STK32B: variants seen among roughly 807,000 people sequenced by gnomAD.
STK32B encodes the protein serine/threonine-protein kinase 32B.
In STK32B, 43 loss-of-function variants were observed where a neutral mutation model predicts 52.6. The ratio of observed to expected loss-of-function variants is 0.82; its 90% CI spans 0.64 to 1.05. STK32B has a LOEUF of 1.05. Ranked by LOEUF, STK32B falls within the 50% of genes least tolerant of loss-of-function variation. STK32B has a pLI of 0.00. For missense variants in STK32B, 621 were observed against 534.6 expected (o/e 1.16, Z -1.59); for synonymous variants, 238 against 204.3 (o/e 1.17, Z -1.41).
At chr4:5,308,203 T>A (rs1730056118) in intron 3 of STK32B, among the ~76,000 whole-genome samples, 1 of 152,144 alleles carries the variant, frequency 6.6e-6, no homozygotes, top group Non-Finnish European at 1.5e-5. Context: ...AGAGATTATG[T>A]CCTTTGTCTT....
chr4:5,253,372 G>C (rs1353959817), intron 3 of STK32B, among the ~76,000 whole-genome samples: 1 of 151,872 alleles, frequency 6.6e-6, no homozygotes, highest in Non-Finnish European at 1.5e-5. Flanking sequence ...GTTTAGATTT[G>C]TTGTTGTTGT....
chr4:5,375,540 C>A (rs898999780), intron 4 of STK32B, among the ~76,000 whole-genome samples: 1 of 151,964 alleles, frequency 6.6e-6, no homozygotes, highest in African/African-American at 2.4e-5. Context: ...ACTTGATTTC[C>A]AAGAGCTCTT....
chr4:5,027,321 A>G, the STK32B span, among the ~76,000 whole-genome samples: 1 of 152,200 alleles, frequency 6.6e-6, no homozygotes, highest in African/African-American at 2.4e-5. Flanking sequence ...AGATTCCTTC[A>G]TAAGCCCCCA....
At position 5,251,029 on chromosome 4, in the gene STK32B, G is replaced by A. The variant is rs535273219; in HGVS notation, c.261-80191G>A. 7.2e-5 allele frequency among the ~76,000 whole-genome samples: 11 copies of A among 152,230 alleles called. 1 individual carries two copies. The East Asian group carries it at 2.1e-3, about 29-fold the overall frequency. On this transcript the variant is annotated intron_variant, in intron 3 of 11. Transcript: ENST00000282908. ...AGGTTGTCTTTTTACTCTGTTGATAGTTTCTTTTGCGGGACAGAAGCTCTT... is the reference window on the plus strand; with the variant it reads ...AGGTTGTCTTTTTACTCTGTTGATAATTTCTTTTGCGGGACAGAAGCTCTT...
At chr4:5,484,266 G>A (rs1718965376) in intron 11 of STK32B, among the ~76,000 whole-genome samples, 1 of 152,152 alleles carries the variant, frequency 6.6e-6, no homozygotes, top group Non-Finnish European at 1.5e-5. Context: ...ATGAATCTGG[G>A]TACTCCTGTA....
At chr4:5,420,719 C>A (rs976639964) in intron 6 of STK32B, among the ~76,000 whole-genome samples, 3 of 152,078 alleles carry the variant, frequency 2.0e-5, no homozygotes, top group African/African-American at 7.2e-5. Flanking sequence ...AGGGGGACAT[C>A]CCACAGGGGA....
chr4:5,083,459 A>G (rs375229122), intron 1 of STK32B, among the ~76,000 whole-genome samples: 3 of 152,170 alleles, frequency 2.0e-5, no homozygotes, highest in African/African-American at 7.2e-5. Context: ...TAATTTTCTG[A>G]ATGTGTCACT....
At chr4:5,316,182 A>AT (rs2108920238) in intron 3 of STK32B, among the ~76,000 whole-genome samples, 4 of 89,002 alleles carry the variant, frequency 4.5e-5, no homozygotes, top group African/African-American at 2.3e-4. Flanking sequence ...TATATAACTA[A>AT]ATATATATAT....
intron 11 of STK32B, among the ~76,000 whole-genome samples, chr4:5,486,550 GC>G: frequency 6.6e-6 from 1 of 152,330 alleles, no homozygotes; most frequent in African/African-American, 2.4e-5. Flanking sequence ...GCGATGCCTC[GC>G]CCTGCTTTGG....
chr4:5,316,300 T>C (rs1349509900), intron 3 of STK32B, among the ~76,000 whole-genome samples: 1 of 58,468 alleles, frequency 1.7e-5, no homozygotes, highest in Non-Finnish European at 2.5e-5. Flanking sequence ...ATATTATATA[T>C]AATATATATA....
chr4:5,491,998 G>T (rs1432333027), intron 11 of STK32B, among the ~76,000 whole-genome samples: 2 of 152,120 alleles, frequency 1.3e-5, no homozygotes, highest in Non-Finnish European at 2.9e-5. Flanking sequence ...AGTATAGTTT[G>T]AAGTCAGGTA....
At chr4:5,079,713 T>A (rs1712294246) in intron 1 of STK32B, among the ~76,000 whole-genome samples, 1 of 152,162 alleles carries the variant, frequency 6.6e-6, no homozygotes, top group Admixed American at 6.5e-5. Flanking sequence ...CAGTCTACAA[T>A]GAATCCCTCT....
At chr4:5,316,711 AAT>A (rs1193966922) in intron 3 of STK32B, among the ~76,000 whole-genome samples, 19 of 1,060 alleles carry the variant, frequency 0.018, 3 homozygotes, top group Admixed American at 0.096. Context: ...TATAATATAT[AAT>A]ATAATAATAT....
At chr4:5,144,540 T>A (rs150655955) in intron 2 of STK32B, among the ~76,000 whole-genome samples, 3 of 152,180 alleles carry the variant, frequency 2.0e-5, no homozygotes, top group African/African-American at 7.2e-5. Context: ...TGTGTATACT[T>A]AAGTTCCCAG....
In STK32B at chr4:5,399,077, A is replaced by C. The variant is rs1737112505; in HGVS notation, c.472+833A>C. Among the ~76,000 whole-genome samples the C allele has an allele frequency of 6.6e-6, 1 of 150,744 alleles. No homozygotes were observed. Among genetic ancestry groups the C allele is most frequent in the South Asian group, 2.1e-4 (1 of 4,804 alleles). On this transcript the variant is annotated intron_variant, in intron 5 of 11. Coordinates refer to ENST00000282908, the MANE Select transcript of STK32B (RefSeq NM_018401.3). The surrounding 1 kb of genome is among the most constrained non-coding windows in gnomAD (Gnocchi z 5.4). Reference sequence around the variant, plus strand: ...TAAGAACCATGAGCCTAGGGCTCAGATCAAGAATGCTCAGTGGACTTGACA... The same window carrying C: ...TAAGAACCATGAGCCTAGGGCTCAGCTCAAGAATGCTCAGTGGACTTGACA...
rs1736746088 is a variant in STK32B, at chr4:5,394,267, C to T, written c.435-3940C>T. ...ACTTTCCATCAAAGTGTCATTTTGC[C>T]CAACTCTGAAATTATGGGTCTGTCC... On this transcript the variant is annotated intron_variant, in intron 4 of 11. Transcript: ENST00000282908. This position sits in a 1 kb window ranked among gnomAD's most constrained non-coding sequence, Gnocchi z 4.2. 6.6e-6 allele frequency among the ~76,000 whole-genome samples: 1 copy of T among 152,084 alleles called. No individual in the cohort carries two copies. Among genetic ancestry groups the T allele is most frequent in the African/African-American group, 2.4e-5 (1 of 41,396 alleles).
chr4:5,417,703 G>A (rs997134704), intron 6 of STK32B, among the ~76,000 whole-genome samples: 10 of 151,942 alleles, frequency 6.6e-5, no homozygotes, highest in South Asian at 6.3e-4. Flanking sequence ...TCTTTATTAC[G>A]TGTTAATTCT....
chr4:5,384,438 C>T (rs1308853653), intron 4 of STK32B, among the ~76,000 whole-genome samples: 1 of 151,654 alleles, frequency 6.6e-6, no homozygotes, highest in Non-Finnish European at 1.5e-5. Context: ...AGAGAGAATG[C>T]CCTCTAAAAT....
At position 5,500,150 on chromosome 4, in the gene STK32B, G is replaced by C. The variant is rs1481486812; in HGVS notation, c.*1067G>C. ...CTTGCCTTTGAACTGGAAGATGTTG[G>C]GATGAGCAGGGAAAGCTTAGACTTT... On this transcript the variant is annotated 3_prime_UTR_variant, in exon 12 of 12. Coordinates refer to ENST00000282908, the MANE Select transcript of STK32B (RefSeq NM_018401.3). 6.6e-6 allele frequency: 1 copy of C among 152,202 alleles called. No homozygotes were observed. Among genetic ancestry groups the C allele is most frequent in the East Asian group, 1.9e-4 (1 of 5,190 alleles). 9.4% of individuals were successfully genotyped at this position (152,202 alleles called of 1,614,324 possible).
Sources: gnomAD v4.1 joint callset for allele counts (sites outside exome capture counted in the v4.1 genomes callset) on GRCh38, gnomAD v4.1.1 for gene constraint, Gnocchi (gnomAD v3.1) non-coding constraint, MANE v1.5 for transcripts, NCBI Gene and HGNC (gene_info 2026-07-23, HGNC 2026-07-21) for gene names.